Variants in WDR70 observed in about 807,000 individuals in gnomAD.
WDR70 encodes WD repeat-containing protein 70.
A neutral mutation model predicts 88.6 loss-of-function variants in WDR70; 53 were observed. The ratio of observed to expected loss-of-function variants is 0.60; its 90% CI spans 0.48 to 0.75. The LOEUF (loss-of-function observed/expected upper bound fraction) is 0.75, where lower values mean the gene tolerates loss of function less well. Ranked by LOEUF, WDR70 falls within the 30% of genes least tolerant of loss-of-function variation. The pLI, the probability that WDR70 is intolerant of heterozygous loss-of-function variation, is 0.00. For missense variants in WDR70, 610 were observed against 823.2 expected (o/e 0.74, Z 3.17); for synonymous variants, 280 against 270.0 (o/e 1.04, Z -0.36).
chr5:37,738,310 T>G (rs1257404096), intron 17 of WDR70, among the ~76,000 whole-genome samples: 7 of 152,178 alleles, frequency 4.6e-5, no homozygotes, highest in Non-Finnish European at 1.0e-4. Flanking sequence ...TTTATACTCA[T>G]GTGCTGATGA....
chr5:37,404,954 G>A (rs1749308157), intron 5 of WDR70, among the ~76,000 whole-genome samples: 1 of 152,150 alleles, frequency 6.6e-6, no homozygotes, highest in African/African-American at 2.4e-5. Context: ...ACTGCTGGGT[G>A]TGTGGTATGG....
chr5:37,489,640 C>T (rs1203892084), intron 8 of WDR70, among the ~76,000 whole-genome samples: 1 of 152,062 alleles, frequency 6.6e-6, no homozygotes, highest in Non-Finnish European at 1.5e-5. Flanking sequence ...GTTATTATGC[C>T]ATCTGGTAGT....
chr5:37,616,767 A>G (rs1240625784), intron 10 of WDR70, among the ~76,000 whole-genome samples: 4 of 152,256 alleles, frequency 2.6e-5, no homozygotes, highest in Admixed American at 2.6e-4. Context: ...CTCTGTGCCC[A>G]AGATGAGCAT....
intron 9 of WDR70, among the ~76,000 whole-genome samples, chr5:37,529,633 A>G (rs1336147146): frequency 2.6e-5 from 4 of 151,750 alleles, no homozygotes; most frequent in East Asian, 1.9e-4. Context: ...TGTGGTTGCT[A>G]TTGGTATATA....
intron 10 of WDR70, among the ~76,000 whole-genome samples, chr5:37,656,587 C>T (rs907977175): frequency 6.6e-6 from 1 of 152,190 alleles, no homozygotes; most frequent in African/African-American, 2.4e-5. Flanking sequence ...GGAGATGGCA[C>T]GTTTATCTTA....
At chr5:37,729,661 C>T (rs932604583) in intron 17 of WDR70, among the ~76,000 whole-genome samples, 3 of 152,172 alleles carry the variant, frequency 2.0e-5, no homozygotes, top group Non-Finnish European at 2.9e-5. Flanking sequence ...TTAAAGTATA[C>T]TTTCTTCACC....
At chr5:37,627,087 T>G (rs1236084852) in intron 10 of WDR70, among the ~76,000 whole-genome samples, 1 of 152,142 alleles carries the variant, frequency 6.6e-6, no homozygotes, top group Non-Finnish European at 1.5e-5. Flanking sequence ...TTTGATCTTT[T>G]GTGTATTTTT....
At chr5:37,487,623 A>ATTTTTTTTTTTT (rs1303879846) in intron 8 of WDR70, among the ~76,000 whole-genome samples, 3 of 18,568 alleles carry the variant, frequency 1.6e-4, no homozygotes, top group Admixed American at 9.1e-4. Context: ...ATATATATAT[A>ATTTTTTTTTTTT]TGTATTTTTT....
chr5:37,419,562 C>A (rs568894862), intron 5 of WDR70, among the ~76,000 whole-genome samples: 15 of 151,214 alleles, frequency 9.9e-5, no homozygotes, highest in African/African-American at 3.4e-4. Context: ...GCCTGTAATC[C>A]CAGCACTTTG....
chr5:37,495,889 C>CTCCTG (rs1412134959), intron 8 of WDR70, among the ~76,000 whole-genome samples: 6 of 152,204 alleles, frequency 3.9e-5, no homozygotes, highest in Non-Finnish European at 7.3e-5. Flanking sequence ...CTTTGTCATG[C>CTCCTG]TCCTGTCTTT....
chr5:37,615,476 T>A (rs193185730), intron 10 of WDR70, among the ~76,000 whole-genome samples: 2 of 152,116 alleles, frequency 1.3e-5, no homozygotes, highest in African/African-American at 2.4e-5. Flanking sequence ...GGGATGTTGG[T>A]AAGACAGCTG....
At chr5:37,555,875 C>T (rs1021319093) in intron 9 of WDR70, among the ~76,000 whole-genome samples, 3 of 152,056 alleles carry the variant, frequency 2.0e-5, no homozygotes, top group Non-Finnish European at 4.4e-5. Flanking sequence ...TATGCCAACA[C>T]GCCTGACTAA....
At chr5:37,424,436 G>A (rs906747865) in intron 5 of WDR70, among the ~76,000 whole-genome samples, 1 of 149,130 alleles carries the variant, frequency 6.7e-6, no homozygotes, top group Non-Finnish European at 1.5e-5. Context: ...ACAGGGTCTT[G>A]CTCTGTTGCC....
intron 10 of WDR70, among the ~76,000 whole-genome samples, chr5:37,694,804 C>G (rs1333429922): frequency 6.6e-6 from 1 of 151,574 alleles, no homozygotes; most frequent in African/African-American, 2.4e-5. Context: ...ATGTATCAAA[C>G]CTGCATATTG....
chr5:37,631,246 G>T (rs1208512881), intron 10 of WDR70, among the ~76,000 whole-genome samples: 2 of 152,090 alleles, frequency 1.3e-5, no homozygotes, highest in African/African-American at 4.8e-5. Flanking sequence ...CAAATGCCAG[G>T]CATCTCTAGT....
chr5:37,626,329 T>C (rs1744665057), intron 10 of WDR70, among the ~76,000 whole-genome samples: 1 of 152,236 alleles, frequency 6.6e-6, no homozygotes, highest in Admixed American at 6.5e-5. Flanking sequence ...TGAAACGATG[T>C]TGAATTTTAT....
intron 9 of WDR70, among the ~76,000 whole-genome samples, chr5:37,603,110 A>T (rs1201660179): frequency 6.6e-6 from 1 of 152,118 alleles, no homozygotes; most frequent in Non-Finnish European, 1.5e-5. Context: ...CCCTTTCAAA[A>T]TTCCAATGTC....
chr5:37,398,913 G>T (rs1749111101), intron 5 of WDR70, among the ~76,000 whole-genome samples: 1 of 152,150 alleles, frequency 6.6e-6, no homozygotes, highest in African/African-American at 2.4e-5. Context: ...AGGCTGAGGA[G>T]TGCTGATCAC....
intron 5 of WDR70, among the ~76,000 whole-genome samples, chr5:37,420,967 C>T (rs1056810830): frequency 6.6e-6 from 1 of 152,106 alleles, no homozygotes; most frequent in Non-Finnish European, 1.5e-5. Flanking sequence ...TGCACTATAG[C>T]ACCAACAGTT....
Sources: allele counts gnomAD v4.1 joint callset (sites outside exome capture counted in the v4.1 genomes callset), GRCh38; gene constraint gnomAD v4.1.1; transcripts MANE v1.5; gene names NCBI Gene and HGNC (gene_info 2026-07-23, HGNC 2026-07-21).